Variants in C1orf35 observed in about 807,000 individuals in gnomAD.
C1orf35 encodes the protein multiple myeloma tumor-associated protein 2.
In C1orf35, 36 loss-of-function variants were observed where a neutral mutation model predicts 30.9. The ratio of observed to expected loss-of-function variants is 1.16; its 90% CI spans 0.89 to 1.54. C1orf35 has a LOEUF of 1.54. Among genes scored for constraint, C1orf35 ranks in the 40% most tolerant of loss-of-function variants. The pLI is 0.00. For missense variants in C1orf35, 396 were observed against 358.7 expected, an observed-to-expected ratio of 1.10 and a Z score of -0.84; for synonymous variants, 179 against 148.2, an observed-to-expected ratio of 1.21 and a Z score of -1.51.
In C1orf35 at chr1:228,103,065, CTG is replaced by C; in HGVS notation, c.95-18_95-17del. On this transcript the variant is annotated splice_polypyrimidine_tract_variant and intron_variant, in intron 1 of 7. Coordinates refer to ENST00000272139, the MANE Select transcript of C1orf35 (RefSeq NM_024319.4). ...AGCGAGTTGCCTGCGGACGTAGACGCTGTGAGTCCAGCGCCCGCCCGGGATCC... is the reference window on the plus strand; with the variant it reads ...AGCGAGTTGCCTGCGGACGTAGACGCTGAGTCCAGCGCCCGCCCGGGATCC... 6.2e-7 allele frequency: 1 copy of C among 1,604,652 alleles called. No individual in the cohort carries two copies. The highest frequency in any genetic ancestry group is 8.5e-7 in the Non-Finnish European group (1 of 1,176,510).
chr1:228,103,010 C>T lies in C1orf35; in HGVS notation c.134G>A (p.Gly45Asp). 1 of 1,574,964 alleles carries T rather than the reference C, an allele frequency of 6.3e-7. No individual in the cohort carries two copies. Among genetic ancestry groups the T allele is most frequent in the Non-Finnish European group, 8.6e-7 (1 of 1,164,094 alleles). The change falls in exon 2 of 8, where the codon GGC becomes GAC. Residue 45 changes from glycine (G) to aspartate (D), a missense_variant. By Grantham distance (94) the Gly-to-Asp change is moderately conservative. Transcript: ENST00000272139. The part of the protein sequence containing the change: ...LMAPVGRWQK[G>D]RDLTWYAKGR... ...CTTGGCGTACCAGGTGAGGTCGCGG[C>T]CCTTCTGCCAGCGGCCTACCGGCGC...
intron 6 of C1orf35, 58 bp from the exon 7 acceptor site, chr1:228,101,531 A>T: frequency 6.3e-7 from 1 of 1,599,446 alleles, no homozygotes. Context: ...AAGAGAGTGA[A>T]CACAAGCAGG....
At chr1:228,102,221 C>G in intron 5 of C1orf35, 56 bp from the exon 6 acceptor site, 1 of 1,564,970 alleles carries the variant, frequency 6.4e-7, no homozygotes, top group Non-Finnish European at 8.6e-7. Context: ...ACACCACGCC[C>G]CGCAGCGCCC....
At chr1:228,101,793 T>C in intron 6 of C1orf35, 1 of 1,409,428 alleles carries the variant, frequency 7.1e-7, no homozygotes. Context: ...GGAGAAGCCC[T>C]GGAGGTGCCA....
In C1orf35 at chr1:228,102,988, G is replaced by A. The variant is rs769846933; in HGVS notation, c.156C>T (p.Ala52=). The A allele has an allele frequency of 6.5e-7, 1 of 1,545,554 alleles. No individual in the cohort carries two copies. The highest frequency in any genetic ancestry group is 8.7e-7 in the Non-Finnish European group (1 of 1,150,652). ...GGCCCGCGCATGGCGCCCGGCCCTT[G>A]GCGTACCAGGTGAGGTCGCGGCCCT... The part of the protein sequence containing the change: ...WQKGRDLTWY[A]KGRAPCAGPS... The change falls in exon 2 of 8, where the codon GCC becomes GCT. Residue 52 remains alanine, a synonymous_variant. Transcript: ENST00000272139.
intron 2 of C1orf35, 76 bp downstream of exon 2, chr1:228,102,823 A>G: frequency 4.1e-6 from 1 of 245,038 alleles, no homozygotes; most frequent in Non-Finnish European, 6.1e-6. Flanking sequence ...CCCGACCCCC[A>G]GTCCCCGGCC....
intron 2 of C1orf35, 35 bp downstream of exon 2, chr1:228,102,864 C>T: frequency 7.2e-7 from 1 of 1,385,914 alleles, no homozygotes; most frequent in Non-Finnish European, 9.3e-7. Context: ...CAGCGCCGTC[C>T]CAGGCACCGA....
chr1:228,101,676 T>G (rs1465955182), intron 6 of C1orf35: 3 of 1,439,146 alleles, frequency 2.1e-6, no homozygotes, highest in Non-Finnish European at 2.7e-6. Flanking sequence ...TATCCCCATC[T>G]CCACAGCACG....
At position 228,101,134 on chromosome 1, in the gene C1orf35, G is replaced by A; in HGVS notation, c.789C>T (p.Ala263=). 1.2e-6 allele frequency: 2 copies of A among 1,613,136 alleles called. No homozygotes were observed. The highest frequency in any genetic ancestry group is 1.7e-6 in the Non-Finnish European group (2 of 1,180,044). The change falls in exon 8 of 8, where the codon GCC becomes GCT. Residue 263 remains alanine, a synonymous_variant. Coordinates refer to ENST00000272139, the MANE Select transcript of C1orf35 (RefSeq NM_024319.4). ...SRRWHDRGSE[A] is the part of the protein sequence containing the mutation. ...AGCAGTGAGCAGGGTCCAGCCATCA[G>A]GCCTCAGAGCCTCTGTCATGCCACC...
rs200591677 is a variant in C1orf35, at chr1:228,101,163, G to A, written c.760C>T (p.Arg254Cys). Residue 254 changes from arginine (R) to cysteine (C), a missense_variant, in exon 8 of 8, where the codon CGC becomes TGC. Arg to Cys is a radical substitution (Grantham distance 180). Coordinates refer to ENST00000272139, the MANE Select transcript of C1orf35 (RefSeq NM_024319.4). ...TCAGAGCCTCTGTCATGCCACCTGC[G>A]AGACGGGCTCCTCCTGTCCCCACTG... Reference protein sequence around the residue: ...GHSGDRRSPSRRWHDRGSEA With the variant: ...GHSGDRRSPSCRWHDRGSEA The A allele has an allele frequency of 1.1e-5, 17 of 1,613,890 alleles. No individual in the cohort carries two copies. Among genetic ancestry groups the A allele is most frequent in the South Asian group, 2.2e-5 (2 of 91,086 alleles).
At position 228,102,527 on chromosome 1, in the gene C1orf35, C is replaced by A; in HGVS notation, c.325G>T (p.Asp109Tyr). The A allele has an allele frequency of 6.4e-7, 1 of 1,557,496 alleles. No homozygotes were observed. Among genetic ancestry groups the A allele is most frequent in the East Asian group, 2.4e-5 (1 of 41,590 alleles). ...CGGTCCACGCCCTTCTCCTCGGGGTCGCCTCCTTCCCGCTTGCAGACCTCC... is the reference window on the plus strand; with the variant it reads ...CGGTCCACGCCCTTCTCCTCGGGGTAGCCTCCTTCCCGCTTGCAGACCTCC... The part of the protein sequence containing the change: ...FAEVCKREGG[D>Y]PEEKGVDRLL... The change falls in exon 4 of 8, where the codon GAC becomes TAC. Residue 109 changes from aspartate to tyrosine, a missense_variant. Coordinates refer to ENST00000272139, the MANE Select transcript of C1orf35 (RefSeq NM_024319.4).
intron 5 of C1orf35, 21 bp downstream of exon 5, chr1:228,102,289 T>C: frequency 6.2e-7 from 1 of 1,608,318 alleles, no homozygotes; most frequent in Non-Finnish European, 8.5e-7. Flanking sequence ...CCTGCTGCGG[T>C]CAGGCGGGGC....
Position 228,102,297 on chromosome 1 carries a change from G to C in C1orf35, c.447+13C>G. 1 of 1,610,154 alleles carries C rather than the reference G, an allele frequency of 6.2e-7. No individual in the cohort carries two copies. Among genetic ancestry groups the C allele is most frequent in the Non-Finnish European group, 8.5e-7 (1 of 1,179,386 alleles). On this transcript the variant is annotated intron_variant, in intron 5 of 7. Coordinates refer to ENST00000272139, the MANE Select transcript of C1orf35 (RefSeq NM_024319.4). Reference sequence around the variant, plus strand: ...GTTAGCCCCTGCTGCGGTCAGGCGGGGCGGGGGATTACCGTGAACACAGAC... The same window carrying C: ...GTTAGCCCCTGCTGCGGTCAGGCGGCGCGGGGGATTACCGTGAACACAGAC...
chr1:228,102,066 T>A lies in C1orf35; in HGVS notation c.533+14A>T. On this transcript the variant is annotated intron_variant, in intron 6 of 7. Coordinates refer to ENST00000272139, the MANE Select transcript of C1orf35 (RefSeq NM_024319.4). ...CACCCCGGGGCACAGCTAGCCCAGGTGGCACAGCCTCACCTGCTTTCCGTC... is the reference window on the plus strand; with the variant it reads ...CACCCCGGGGCACAGCTAGCCCAGGAGGCACAGCCTCACCTGCTTTCCGTC... 2 of 1,539,716 alleles carry A rather than the reference T, an allele frequency of 1.3e-6. No homozygotes were observed. Among genetic ancestry groups the A allele is most frequent in the Non-Finnish European group, 1.7e-6 (2 of 1,148,814 alleles).
rs752413496 is a variant in C1orf35 at position 228,102,659 on chromosome 1, G to T, written c.275C>A (p.Thr92Lys). The change falls in exon 3 of 8, where the codon ACG (threonine) becomes AAG (lysine). Residue 92 changes from threonine to lysine, a missense_variant. Thr to Lys is a moderately conservative substitution (Grantham distance 78). Coordinates refer to ENST00000272139, the MANE Select transcript of C1orf35 (RefSeq NM_024319.4). ...LGYKNVKKQP[T>K]GLSKEDFAEV... ...GGGAGTTACCTCCTTGCTCAGGCCC[G>T]TGGGCTGCTTCTTCACGTTCTTGTA... 2 of 1,607,946 alleles carry T rather than the reference G, an allele frequency of 1.2e-6. No individual in the cohort carries two copies. The highest frequency in any genetic ancestry group is 8.5e-7 in the Non-Finnish European group (1 of 1,178,450).
chr1:228,103,054 G>T lies in C1orf35; in HGVS notation c.95-5C>A. On this transcript the variant is annotated splice_polypyrimidine_tract_variant and splice_region_variant and intron_variant, in intron 1 of 7. Coordinates refer to ENST00000272139, the MANE Select transcript of C1orf35 (RefSeq NM_024319.4). ...CCGGCGCCATCAGCGAGTTGCCTGC[G>T]GACGTAGACGCTGTGAGTCCAGCGC... 4 of 1,599,626 alleles carry T rather than the reference G, an allele frequency of 2.5e-6. No homozygotes were observed. Among genetic ancestry groups the T allele is most frequent in the Non-Finnish European group, 3.4e-6 (4 of 1,174,224 alleles).
At chr1:228,101,275 C>A (rs1366389500) in intron 7 of C1orf35, 21 bp from the exon 8 acceptor site, 1 of 1,613,990 alleles carries the variant, frequency 6.2e-7, no homozygotes, top group African/African-American at 1.3e-5. Context: ...CAATGGCAGT[C>A]AGTCACTCGG....
In C1orf35 at chr1:228,102,055, G is replaced by C. The variant is rs367573467; in HGVS notation, c.533+25C>G. ...CCGAGACCCCCCACCCCGGGGCACA[G>C]CTAGCCCAGGTGGCACAGCCTCACC... On this transcript the variant is annotated intron_variant, in intron 6 of 7. Coordinates refer to ENST00000272139, the MANE Select transcript of C1orf35 (RefSeq NM_024319.4). 28 of 1,517,284 alleles carry C rather than the reference G, an allele frequency of 1.8e-5. No homozygotes were observed. In the African/African-American group the frequency reaches 3.7e-4, roughly 20 times the overall value. 94.0% of individuals were successfully genotyped at this position (1,517,284 alleles called of 1,614,324 possible). A position where few individuals can be genotyped will look rare whatever the true frequency, so the allele number is the denominator to read the frequency against.
intron 6 of C1orf35, chr1:228,101,719 G>A: frequency 7.0e-7 from 1 of 1,422,254 alleles, no homozygotes; most frequent in South Asian, 1.5e-5. Context: ...CCCTTGGCAG[G>A]TTGACACCTT....
Sources: allele counts gnomAD v4.1 joint callset, GRCh38; gene constraint gnomAD v4.1.1; transcripts MANE v1.5; gene names NCBI Gene and HGNC (gene_info 2026-07-23, HGNC 2026-07-21).